ADCY9: variants seen among roughly 807,000 people sequenced by gnomAD.
ADCY9 encodes adenylate cyclase type 9.
In ADCY9, 50 loss-of-function variants were observed where a neutral mutation model predicts 101.5. That is an observed-to-expected ratio of 0.49 (90% CI 0.39 to 0.62). The LOEUF (loss-of-function observed/expected upper bound fraction) is 0.62, where lower values mean the gene tolerates loss of function less well. ADCY9 is among the 20% of genes least tolerant of loss of function. The probability of loss-of-function intolerance (pLI) is 0.00; values close to 1 mark genes in which losing one functional copy is unlikely to be tolerated. For missense variants in ADCY9, 1,662 were observed against 1,800.4 expected, an observed-to-expected ratio of 0.92 and a Z score of 1.39; for synonymous variants, 905 against 769.3, an observed-to-expected ratio of 1.18 and a Z score of -2.92.
At chr16:3,957,666 G>C (rs112810161), downstream of ADCY9, among the ~76,000 whole-genome samples, 1,301 of 152,156 alleles carry the variant, frequency 8.6e-3, 16 homozygotes, top group African/African-American at 0.029. Flanking sequence ...TTCTGGAGGA[G>C]ATAGAGAAGG....
At chr16:4,030,946 A>G (rs1323895769) in intron 2 of ADCY9, among the ~76,000 whole-genome samples, 1 of 152,180 alleles carries the variant, frequency 6.6e-6, no homozygotes, top group Non-Finnish European at 1.5e-5. Flanking sequence ...ATGTATGCAT[A>G]TTACACTTCA....
intron 2 of ADCY9, among the ~76,000 whole-genome samples, chr16:4,008,721 C>T (rs1407413501): frequency 1.3e-5 from 2 of 152,096 alleles, no homozygotes; most frequent in African/African-American, 4.8e-5. Context: ...CACCACCACG[C>T]CTGGCTAATT....
chr16:3,994,030 C>T (rs994637538), intron 3 of ADCY9, among the ~76,000 whole-genome samples: 6 of 152,116 alleles, frequency 3.9e-5, no homozygotes, highest in Admixed American at 3.3e-4. Flanking sequence ...TGCTACGATT[C>T]GAATGTTTGT....
chr16:3,985,563 A>G (rs1263869672), intron 6 of ADCY9, among the ~76,000 whole-genome samples: 1 of 152,090 alleles, frequency 6.6e-6, no homozygotes, highest in Non-Finnish European at 1.5e-5. Flanking sequence ...GGGTGCATGC[A>G]TGTGATGTCC....
chr16:4,100,326 T>C (rs2057034328), intron 2 of ADCY9, among the ~76,000 whole-genome samples: 1 of 152,020 alleles, frequency 6.6e-6, no homozygotes, highest in African/African-American at 2.4e-5. Flanking sequence ...TCAGGTAGCA[T>C]CTTTTTTGTT....
chr16:4,059,791 A>C (rs141049582), intron 2 of ADCY9, among the ~76,000 whole-genome samples: 3 of 152,290 alleles, frequency 2.0e-5, no homozygotes, highest in East Asian at 3.9e-4. Flanking sequence ...TCAGCCACTC[A>C]GGAGGCTGAG....
chr16:4,057,048 C>A (rs78610525), intron 2 of ADCY9, among the ~76,000 whole-genome samples: 25,885 of 126,244 alleles, frequency 0.21, 3,713 homozygotes, highest in Non-Finnish European at 0.28. Flanking sequence ...GCCCCCCCCC[C>A]CCCCGCCAAT....
At chr16:4,099,344 T>A (rs1388409986) in intron 2 of ADCY9, among the ~76,000 whole-genome samples, 2 of 152,242 alleles carry the variant, frequency 1.3e-5, no homozygotes, top group Non-Finnish European at 2.9e-5. Context: ...ATTGTAGGAA[T>A]GCAAATTAAA....
At chr16:4,074,238 TAC>T (rs1204495455) in intron 2 of ADCY9, among the ~76,000 whole-genome samples, 1 of 152,060 alleles carries the variant, frequency 6.6e-6, no homozygotes, top group African/African-American at 2.4e-5. Flanking sequence ...TGTAGTAACT[TAC>T]AGTTATGAAG....
chr16:3,995,591 G>A (rs1051486794), intron 3 of ADCY9, among the ~76,000 whole-genome samples: 63 of 147,646 alleles, frequency 4.3e-4, no homozygotes, highest in African/African-American at 1.6e-3. Flanking sequence ...GACAAACCGT[G>A]GCAAGAAATA....
intron 2 of ADCY9, among the ~76,000 whole-genome samples, chr16:4,075,735 G>A (rs753938763): frequency 2.6e-5 from 4 of 152,136 alleles, no homozygotes; most frequent in African/African-American, 9.7e-5. Flanking sequence ...AAGGAATGGC[G>A]GCTGGGGCAG....
rs185377301 is a variant in ADCY9, at chr16:4,010,631, C to G, written c.1694-3073G>C. Among the ~76,000 whole-genome samples the G allele has an allele frequency of 3.5e-3, 532 of 152,284 alleles. 6 individuals are homozygous for G. Among genetic ancestry groups the G allele is most frequent in the Middle Eastern group, 0.027 (8 of 294 alleles). Reference sequence around the variant, plus strand: ...TGGAGCCCATTACCTGAAGAGGGGCCAAGAGGACAAGCAGGTATGACTATG... The same window carrying G: ...TGGAGCCCATTACCTGAAGAGGGGCGAAGAGGACAAGCAGGTATGACTATG... On this transcript the variant is annotated intron_variant, in intron 2 of 10. Transcript: ENST00000294016.
chr16:4,021,844 C>T (rs753229209), intron 2 of ADCY9, among the ~76,000 whole-genome samples: 8 of 152,172 alleles, frequency 5.3e-5, no homozygotes, highest in Non-Finnish European at 1.0e-4. Flanking sequence ...GTCTTTGAAA[C>T]GCATGAAATC....
At chr16:4,043,581 T>C (rs1201309915) in intron 2 of ADCY9, among the ~76,000 whole-genome samples, 1 of 151,984 alleles carries the variant, frequency 6.6e-6, no homozygotes, top group Non-Finnish European at 1.5e-5. Context: ...TCTCATCTAC[T>C]TGGGAGGCCG....
At chr16:4,070,023 G>A (rs572286722) in intron 2 of ADCY9, among the ~76,000 whole-genome samples, 30 of 152,138 alleles carry the variant, frequency 2.0e-4, no homozygotes, top group African/African-American at 5.5e-4. Context: ...GCTTGAACCC[G>A]GGAGGCAAAG....
intron 2 of ADCY9, among the ~76,000 whole-genome samples, chr16:4,042,249 T>C (rs752828585): frequency 1.3e-5 from 2 of 152,072 alleles, no homozygotes; most frequent in Non-Finnish European, 2.9e-5. Flanking sequence ...AATTCTTTTG[T>C]AGAGACAGGG....
intron 2 of ADCY9, among the ~76,000 whole-genome samples, chr16:4,059,118 G>C (rs2056758570): frequency 6.6e-6 from 1 of 152,004 alleles, no homozygotes; most frequent in African/African-American, 2.4e-5. Flanking sequence ...GTGCACGATG[G>C]CTCACGCCTT....
intron 3 of ADCY9, among the ~76,000 whole-genome samples, chr16:4,005,667 G>A (rs940901181): frequency 2.6e-5 from 4 of 152,206 alleles, no homozygotes; most frequent in Non-Finnish European, 5.9e-5. Flanking sequence ...GTGCAATGTA[G>A]TGTAGAATCG....
chr16:4,013,721 A>G (rs1484261577), intron 2 of ADCY9, among the ~76,000 whole-genome samples: 1 of 152,252 alleles, frequency 6.6e-6, no homozygotes, highest in Non-Finnish European at 1.5e-5. Context: ...TAATCAGCCA[A>G]TAAGAAAAAT....
Sources: allele counts gnomAD v4.1 joint callset (sites outside exome capture counted in the v4.1 genomes callset), GRCh38; gene constraint gnomAD v4.1.1; transcripts MANE v1.5; gene names NCBI Gene and HGNC (gene_info 2026-07-23, HGNC 2026-07-21).